The following PHLPP1 variants were observed in gnomAD, a reference collection of about 807,000 sequenced individuals.
The protein encoded by PHLPP1 is PH domain and leucine rich repeat protein phosphatase 1, also known as PH domain leucine-rich repeat-containing protein phosphatase 1.
PHLPP1 carries 42 observed loss-of-function variants against 117.2 expected under a neutral mutation model. The observed-to-expected ratio is 0.36, with a 90% CI of 0.28 to 0.46. The LOEUF is 0.46. PHLPP1 is among the 20% of genes least tolerant of loss of function. The pLI, the probability that PHLPP1 is intolerant of heterozygous loss-of-function variation, is 1.00. For missense variants in PHLPP1, 2,084 were observed against 2,241.9 expected (o/e 0.93, Z 1.42); for synonymous variants, 1,042 against 970.7 (o/e 1.07, Z -1.37).
At chr18:62,875,858 G>A (rs1457518248) in intron 4 of PHLPP1, among the ~76,000 whole-genome samples, 1 of 151,850 alleles carries the variant, frequency 6.6e-6, no homozygotes, top group South Asian at 2.1e-4. Flanking sequence ...TCAGCCTCCT[G>A]AGTAGCTGGG....
At position 62,716,920 on chromosome 18, in the gene PHLPP1, C is replaced by T. The variant is rs923244955; in HGVS notation, c.1237C>T (p.Pro413Ser). The T allele has an allele frequency of 1.2e-4, 191 of 1,533,920 alleles. 3 individuals carry two copies. In the East Asian group the frequency reaches 4.5e-3, roughly 36 times the overall value. ...PLPLPQTASS[P>S]QPQQKAPRAI... The stretch of plus-strand genomic sequence containing the variant: ...CCCGCTTCCCCAGACGGCTTCCTCG[C>T]CTCAGCCGCAGCAGAAAGCCCCGAG... Residue 413 changes from proline to serine, a missense_variant, in exon 1 of 17, where the codon CCT becomes TCT. Transcript: ENST00000262719. The surrounding 1 kb of genome is among the most constrained non-coding windows in gnomAD (Gnocchi z 5.7).
intron 1 of PHLPP1, among the ~76,000 whole-genome samples, chr18:62,793,218 T>G (rs111996832): frequency 3.2e-4 from 49 of 152,058 alleles, no homozygotes; most frequent in African/African-American, 1.1e-3. Context: ...GCTTATCGAG[T>G]GAATGTAGAT....
At chr18:62,930,473 A>G (rs1302711432) in intron 10 of PHLPP1, among the ~76,000 whole-genome samples, 2 of 151,768 alleles carry the variant, frequency 1.3e-5, no homozygotes, top group Non-Finnish European at 2.9e-5. Flanking sequence ...GTAAAAAAAA[A>G]TTGCATTATA....
intron 1 of PHLPP1, among the ~76,000 whole-genome samples, chr18:62,729,297 C>A (rs77495446): frequency 6.6e-6 from 1 of 152,270 alleles, no homozygotes; most frequent in African/African-American, 2.4e-5. Context: ...CTTCTGTAGG[C>A]TTTTAGTTGT....
chr18:62,835,450 G>A (rs944925709), intron 2 of PHLPP1, among the ~76,000 whole-genome samples: 13 of 151,638 alleles, frequency 8.6e-5, no homozygotes, highest in African/African-American at 3.1e-4. Context: ...CCCCTGCCTC[G>A]GCCTCCTAAA....
At chr18:62,744,809 A>G (rs1197420497) in intron 1 of PHLPP1, among the ~76,000 whole-genome samples, 1 of 152,242 alleles carries the variant, frequency 6.6e-6, no homozygotes, top group Non-Finnish European at 1.5e-5. Context: ...AATATTATAA[A>G]TAATTTGTGT....
intron 1 of PHLPP1, among the ~76,000 whole-genome samples, chr18:62,783,218 CT>C (rs528614480): frequency 1.6e-3 from 214 of 132,138 alleles, no homozygotes; most frequent in Non-Finnish European, 3.1e-3. Flanking sequence ...ACAAGCCTTT[CT>C]TTTTTTTTTC....
intron 8 of PHLPP1, 118 bp downstream of exon 8, chr18:62,905,402 G>C (rs921657501): frequency 1.8e-5 from 8 of 440,878 alleles, no homozygotes; most frequent in African/African-American, 1.6e-4. Context: ...AAAAATTAAT[G>C]ATTTTTACTT....
intron 6 of PHLPP1, among the ~76,000 whole-genome samples, chr18:62,900,665 C>G (rs1337957803): frequency 1.3e-5 from 2 of 151,802 alleles, no homozygotes; most frequent in Non-Finnish European, 2.9e-5. Flanking sequence ...GGGTCTTGCT[C>G]TGTTGCCCAG....
chr18:62,721,672 C>A (rs889625224), intron 1 of PHLPP1, among the ~76,000 whole-genome samples: 1 of 151,938 alleles, frequency 6.6e-6, no homozygotes, highest in Admixed American at 6.6e-5. Context: ...CATAGTTATT[C>A]CTAAATTCGT....
chr18:62,802,652 T>C (rs192200111), intron 1 of PHLPP1, among the ~76,000 whole-genome samples: 275 of 152,270 alleles, frequency 1.8e-3, no homozygotes, highest in African/African-American at 6.5e-3. Context: ...AGTAATATGT[T>C]TCTTCTGTAA....
intron 10 of PHLPP1, among the ~76,000 whole-genome samples, chr18:62,939,661 C>T (rs950494741): frequency 6.2e-5 from 9 of 146,082 alleles, no homozygotes; most frequent in African/African-American, 1.0e-4. Context: ...TTAATGTCAA[C>T]GGAATACGTG....
At chr18:62,719,863 CTGACTAGGGTTGTTTTTTAGAGGCTTTGA>C (rs1327851830) in intron 1 of PHLPP1, among the ~76,000 whole-genome samples, 1 of 152,070 alleles carries the variant, frequency 6.6e-6, no homozygotes, top group African/African-American at 2.4e-5. Flanking sequence ...TATTTATAAC[CTGACTAGGGTTGTTTTTTAGAGGCTTTGA>C]AAGCCATTTG....
intron 2 of PHLPP1, among the ~76,000 whole-genome samples, chr18:62,834,997 G>C (rs1914852093): frequency 1.3e-5 from 2 of 152,004 alleles, no homozygotes; most frequent in Admixed American, 1.3e-4. Context: ...TTTGAGTATT[G>C]ATCTTGAGTA....
intron 8 of PHLPP1, among the ~76,000 whole-genome samples, chr18:62,912,090 G>A (rs1568158821): frequency 8.5e-6 from 1 of 118,000 alleles, no homozygotes; most frequent in African/African-American, 3.2e-5. Flanking sequence ...CTCATAGGTG[G>A]GAATTGAACA....
intron 10 of PHLPP1, among the ~76,000 whole-genome samples, chr18:62,923,514 G>A (rs1158168618): frequency 6.6e-6 from 1 of 151,984 alleles, no homozygotes; most frequent in Non-Finnish European, 1.5e-5. Context: ...TGAAGGGGGT[G>A]GGATAAATTT....
At chr18:62,976,931 G>A (rs1196834531) in intron 16 of PHLPP1, among the ~76,000 whole-genome samples, 2 of 152,174 alleles carry the variant, frequency 1.3e-5, no homozygotes, top group East Asian at 1.9e-4. Context: ...ATGAATTAGC[G>A]AATGGAGCAG....
chr18:62,886,614 A>G (rs1461355705), intron 4 of PHLPP1, among the ~76,000 whole-genome samples: 1 of 152,148 alleles, frequency 6.6e-6, no homozygotes, highest in Non-Finnish European at 1.5e-5. Context: ...CCTAGTTTGA[A>G]GGAGACTTCA....
At chr18:62,786,989 A>G (rs1913305934) in intron 1 of PHLPP1, among the ~76,000 whole-genome samples, 1 of 152,214 alleles carries the variant, frequency 6.6e-6, no homozygotes, top group Admixed American at 6.5e-5. Context: ...ATCTAGAGGC[A>G]GGGAGGTGTA....
Sources: allele counts gnomAD v4.1 joint callset (sites outside exome capture counted in the v4.1 genomes callset), GRCh38; gene constraint gnomAD v4.1.1; non-coding constraint Gnocchi (gnomAD v3.1); transcripts MANE v1.5; gene names NCBI Gene and HGNC (gene_info 2026-07-23, HGNC 2026-07-21).